Variants in ASB4 observed in about 807,000 individuals in gnomAD.
ASB4 encodes the protein ankyrin repeat and SOCS box protein 4.
In ASB4, 35 loss-of-function variants were observed where a neutral mutation model predicts 38.6. The ratio of observed to expected loss-of-function variants is 0.91; its 90% CI spans 0.69 to 1.20. The LOEUF (loss-of-function observed/expected upper bound fraction) is 1.20. ASB4 is among the 50% of genes most tolerant of loss of function. The pLI, the probability that ASB4 is intolerant of heterozygous loss-of-function variation, is 0.00. For missense variants in ASB4, 557 were observed against 527.2 expected (o/e 1.06, Z -0.55); for synonymous variants, 195 against 201.3 (o/e 0.97, Z 0.26).
chr7:95,493,025 A>C (rs1464106522), intron 1 of ASB4, among the ~76,000 whole-genome samples: 4 of 152,160 alleles, frequency 2.6e-5, no homozygotes, highest in Admixed American at 1.3e-4. Context: ...ACACACATAC[A>C]CACGAGGCGT....
At chr7:95,494,911 C>T (rs1790222780) in intron 1 of ASB4, among the ~76,000 whole-genome samples, 1 of 152,190 alleles carries the variant, frequency 6.6e-6, no homozygotes, top group Non-Finnish European at 1.5e-5. Flanking sequence ...CACATCTATG[C>T]TTCCCCTGCC....
intron 3 of ASB4, among the ~76,000 whole-genome samples, chr7:95,533,889 A>G (rs577425289): frequency 9.2e-5 from 14 of 152,244 alleles, no homozygotes; most frequent in African/African-American, 2.9e-4. Flanking sequence ...TCTCGTGCCT[A>G]TTAGGATTTC....
chr7:95,523,068 A>G (rs530494935), intron 2 of ASB4, among the ~76,000 whole-genome samples: 2 of 152,334 alleles, frequency 1.3e-5, no homozygotes, highest in East Asian at 3.9e-4. Flanking sequence ...GTCTGCATGG[A>G]AGGACTCCAT....
At chr7:95,472,342 G>A in the ASB4 span, among the ~76,000 whole-genome samples, 19 of 152,056 alleles carry the variant, frequency 1.2e-4, no homozygotes, top group Non-Finnish European at 1.5e-4. Flanking sequence ...ATCTGTTGCC[G>A]CCATCTTGAA....
intron 1 of ASB4, among the ~76,000 whole-genome samples, chr7:95,488,948 A>G (rs1380327280): frequency 1.3e-5 from 2 of 152,248 alleles, no homozygotes; most frequent in African/African-American, 4.8e-5. Flanking sequence ...TGTAATCAAT[A>G]CTAAAATTCT....
intron 2 of ASB4, among the ~76,000 whole-genome samples, chr7:95,499,245 C>T (rs1790296158): frequency 6.6e-6 from 1 of 152,010 alleles, no homozygotes; most frequent in African/African-American, 2.4e-5. Context: ...TATTTGAAGT[C>T]AAGGAAATCA....
At chr7:95,508,550 A>G (rs868462908) in intron 2 of ASB4, among the ~76,000 whole-genome samples, 8 of 152,278 alleles carry the variant, frequency 5.3e-5, no homozygotes, top group East Asian at 1.9e-4. Flanking sequence ...GGAGGGTCCA[A>G]TTGAGTTTTG....
At chr7:95,502,374 A>G (rs575672926) in intron 2 of ASB4, among the ~76,000 whole-genome samples, 1 of 111,964 alleles carries the variant, frequency 8.9e-6, no homozygotes, top group Admixed American at 9.5e-5. Context: ...AATAGAATGT[A>G]AATAGGTACC....
intron 1 of ASB4, among the ~76,000 whole-genome samples, chr7:95,489,358 T>G (rs1017015957): frequency 2.0e-5 from 3 of 152,210 alleles, no homozygotes; most frequent in Non-Finnish European, 4.4e-5. Context: ...GAATAGCTTC[T>G]CTTACCAATT....
chr7:95,534,894 A>T (rs186101699), intron 3 of ASB4, among the ~76,000 whole-genome samples: 212 of 152,302 alleles, frequency 1.4e-3, no homozygotes, highest in African/African-American at 4.7e-3. Flanking sequence ...AAGAGTGTAT[A>T]ATAGCCTCTT....
At chr7:95,488,865 T>C (rs1438616609) in intron 1 of ASB4, among the ~76,000 whole-genome samples, 2 of 152,212 alleles carry the variant, frequency 1.3e-5, no homozygotes, top group African/African-American at 4.8e-5. Context: ...CAGGTTTCAG[T>C]TATTTTTGGC....
chr7:95,507,226 T>A (rs543163185), intron 2 of ASB4, among the ~76,000 whole-genome samples: 3 of 152,166 alleles, frequency 2.0e-5, no homozygotes, highest in African/African-American at 7.2e-5. Context: ...AATTTTTTTT[T>A]CCTTGAGATT....
chr7:95,476,371 AG>A (rs1562805661), upstream of ASB4, among the ~76,000 whole-genome samples: 1 of 152,232 alleles, frequency 6.6e-6, no homozygotes, highest in African/African-American at 2.4e-5. Context: ...ATTCTCTTGC[AG>A]GTGACTGACA....
chr7:95,524,528 A>C (rs2116639518), intron 2 of ASB4, among the ~76,000 whole-genome samples: 1 of 152,302 alleles, frequency 6.6e-6, no homozygotes, highest in East Asian at 1.9e-4. Flanking sequence ...TATTTTATAT[A>C]CTATGTAACG....
chr7:95,546,781 C>T, the ASB4 span, among the ~76,000 whole-genome samples: 5 of 152,330 alleles, frequency 3.3e-5, no homozygotes, highest in Admixed American at 3.3e-4. Context: ...GAAGGCAGGG[C>T]TGCCGGCACA....
chr7:95,540,974 G>A (rs1562825111), downstream of ASB4, among the ~76,000 whole-genome samples: 1 of 152,208 alleles, frequency 6.6e-6, no homozygotes, highest in Non-Finnish European at 1.5e-5. Context: ...AACTTACAAA[G>A]TTCTAAGTTG....
chr7:95,491,236 G>A (rs1790166445), intron 1 of ASB4, among the ~76,000 whole-genome samples: 1 of 152,210 alleles, frequency 6.6e-6, no homozygotes, highest in Non-Finnish European at 1.5e-5. Flanking sequence ...GTACACAGGG[G>A]AAATAATCTC....
chr7:95,501,121 C>T (rs969150857), intron 2 of ASB4, among the ~76,000 whole-genome samples: 1 of 152,210 alleles, frequency 6.6e-6, no homozygotes, highest in Middle Eastern at 3.4e-3. Flanking sequence ...TAATCATTAA[C>T]TTTCTAATTA....
At chr7:95,470,883 G>GA in the ASB4 span, among the ~76,000 whole-genome samples, 6 of 152,142 alleles carry the variant, frequency 3.9e-5, no homozygotes, top group African/African-American at 1.4e-4. Flanking sequence ...CACCACCAAA[G>GA]AAGAGAAAGA....
Sources: gnomAD v4.1 joint callset for allele counts (sites outside exome capture counted in the v4.1 genomes callset) on GRCh38, gnomAD v4.1.1 for gene constraint, MANE v1.5 for transcripts, NCBI Gene and HGNC (gene_info 2026-07-23, HGNC 2026-07-21) for gene names.